LRP6: variants seen among roughly 807,000 people sequenced by gnomAD.
LRP6 encodes LDL receptor related protein 6, also known as low-density lipoprotein receptor-related protein 6.
LRP6 carries 43 observed loss-of-function variants against 184.1 expected under a neutral mutation model. The ratio of observed to expected loss-of-function variants is 0.23; its 90% CI spans 0.18 to 0.30. The LOEUF is 0.30. Among genes scored for constraint, LRP6 ranks in the 10% least tolerant of loss-of-function variants. The pLI is 1.00. For synonymous variants in LRP6, 719 were observed against 684.9 expected (o/e 1.05, Z -0.78); for missense variants, 1,571 against 2,005.3 (o/e 0.78, Z 4.14).
intron 12 of LRP6, among the ~76,000 whole-genome samples, chr12:12,151,474 T>C (rs571263878): frequency 6.9e-6 from 1 of 145,358 alleles, no homozygotes; most frequent in South Asian, 2.2e-4. Context: ...AAGACCCATC[T>C]AAGGAAAAAA....
chr12:12,209,856 T>C (rs1423142633), intron 2 of LRP6, among the ~76,000 whole-genome samples: 1 of 152,102 alleles, frequency 6.6e-6, no homozygotes, highest in Non-Finnish European at 1.5e-5. Flanking sequence ...GTGGCAAGTA[T>C]ATTGAGGAAG....
chr12:12,249,895 G>A (rs1003466136), intron 1 of LRP6, among the ~76,000 whole-genome samples: 11 of 152,048 alleles, frequency 7.2e-5, no homozygotes, highest in African/African-American at 2.7e-4. Context: ...TCCCTCACCA[G>A]TCAATGGTAC....
chr12:12,154,251 G>A (rs1406225301), intron 12 of LRP6, among the ~76,000 whole-genome samples: 1 of 62,528 alleles, frequency 1.6e-5, no homozygotes, highest in Admixed American at 2.1e-4. Context: ...CCTTTTGCTT[G>A]ATAGGCCTTC....
intron 7 of LRP6, among the ~76,000 whole-genome samples, chr12:12,176,991 G>A (rs1229212508): frequency 6.6e-6 from 1 of 151,738 alleles, no homozygotes; most frequent in Non-Finnish European, 1.5e-5. Flanking sequence ...AGGATTACAG[G>A]TGCCCGCCAC....
At position 12,121,114 on chromosome 12, in the gene LRP6, G is replaced by A. The variant is rs1265601627; in HGVS notation, c.*12C>T. 9 of 1,583,890 alleles carry A rather than the reference G, an allele frequency of 5.7e-6. No individual in the cohort carries two copies. Among genetic ancestry groups the A allele is most frequent in the Admixed American group, 1.8e-5 (1 of 56,752 alleles). On this transcript the variant is annotated 3_prime_UTR_variant, in exon 23 of 23. Coordinates refer to ENST00000261349, the MANE Select transcript of LRP6 (RefSeq NM_002336.3). ...TTTACGTTGGAGGCAGTCAGAGGAG[G>A]AGGGCCCCTCCTCAGGAGGAGTCTG...
chr12:12,237,105 T>C (rs1864947688), intron 2 of LRP6, among the ~76,000 whole-genome samples: 2 of 152,088 alleles, frequency 1.3e-5, no homozygotes, highest in Non-Finnish European at 1.5e-5. Flanking sequence ...GATGTTCCTA[T>C]CACCCAGGAA....
intron 12 of LRP6, among the ~76,000 whole-genome samples, chr12:12,154,023 T>C (rs549997963): frequency 6.6e-6 from 1 of 152,306 alleles, no homozygotes; most frequent in South Asian, 2.1e-4. Context: ...GCCATACACC[T>C]GTAGGGCTAA....
intron 15 of LRP6, among the ~76,000 whole-genome samples, chr12:12,145,327 T>TA (rs144877940): frequency 0.075 from 11,328 of 151,550 alleles, 501 homozygotes; most frequent in Admixed American, 0.11. Flanking sequence ...CTGAAGACAT[T>TA]AAAAAAAATG....
intron 3 of LRP6, among the ~76,000 whole-genome samples, chr12:12,199,135 A>G (rs1057068491): frequency 1.3e-5 from 2 of 152,194 alleles, no homozygotes; most frequent in African/African-American, 4.8e-5. Context: ...ACCATTTAAA[A>G]AAAAAAAAGG....
intron 4 of LRP6, 74 bp from the exon 5 acceptor site, chr12:12,184,185 CA>C: frequency 2.1e-6 from 3 of 1,418,752 alleles, no homozygotes; most frequent in Non-Finnish European, 3.0e-6. Context: ...ATAACATGAA[CA>C]ACTGTGATAA....
intron 1 of LRP6, among the ~76,000 whole-genome samples, chr12:12,245,010 C>T (rs978247853): frequency 2.0e-5 from 3 of 152,188 alleles, no homozygotes; most frequent in Admixed American, 6.5e-5. Context: ...CTTGGGAAAA[C>T]AGTTTGGCAG....
chr12:12,130,797 T>G lies in LRP6; in HGVS notation c.4067A>C (p.Asp1356Ala), dbSNP rs376168250. Residue 1356 changes from aspartate to alanine, a missense_variant, in exon 19 of 23, where the codon GAT (aspartate) becomes GCT (alanine). Transcript: ENST00000261349. ...GTCCTACTTACAACAATCCAGTTCATCTGACTTGTCACTGCAATCCACATT... is the reference window on the plus strand; with the variant it reads ...GTCCTACTTACAACAATCCAGTTCAGCTGACTTGTCACTGCAATCCACATT... ...DHNVDCSDKS[D>A]ELDCYPTEEP... The G allele has an allele frequency of 1.9e-6, 3 of 1,608,310 alleles. No individual in the cohort carries two copies. The highest frequency in any genetic ancestry group is 2.6e-6 in the Non-Finnish European group (3 of 1,174,724).
intron 3 of LRP6, among the ~76,000 whole-genome samples, chr12:12,197,053 C>T (rs1863780919): frequency 6.6e-6 from 1 of 152,174 alleles, no homozygotes. Flanking sequence ...TTGCTTCTTT[C>T]TTGTATTTAC....
chr12:12,266,564 T>G, intron 1 of LRP6, 117 bp downstream of exon 1: 1 of 698,452 alleles, frequency 1.4e-6, no homozygotes, highest in Non-Finnish European at 2.3e-6. Flanking sequence ...CGACCAGGCC[T>G]CTCCCCGCTC....
At chr12:12,200,351 G>A (rs566803587) in intron 3 of LRP6, among the ~76,000 whole-genome samples, 1 of 152,256 alleles carries the variant, frequency 6.6e-6, no homozygotes, top group South Asian at 2.1e-4. Flanking sequence ...CATGGTTTCA[G>A]CTCTTCAGGA....
intron 17 of LRP6, among the ~76,000 whole-genome samples, chr12:12,132,447 C>T (rs1303310032): frequency 6.6e-6 from 1 of 152,106 alleles, no homozygotes; most frequent in African/African-American, 2.4e-5. Context: ...GTCCATGAAC[C>T]CTTAGGCGTT....
chr12:12,126,092 G>A (rs1042163968), intron 20 of LRP6, among the ~76,000 whole-genome samples: 2 of 152,142 alleles, frequency 1.3e-5, no homozygotes, highest in African/African-American at 4.8e-5. Context: ...AAAGGAAGGC[G>A]TCTTTTAACT....
chr12:12,121,433 G>A lies in LRP6; in HGVS notation c.4548-13C>T, dbSNP rs778848933. ...ATATGGCCTGTAGCTGGTATAGGGA[G>A]AAAATAAAGAGAAGCAGTTAGTTTT... On this transcript the variant is annotated splice_polypyrimidine_tract_variant and intron_variant, in intron 22 of 22. Transcript: ENST00000261349. 3 of 1,612,816 alleles carry A rather than the reference G, an allele frequency of 1.9e-6. No individual in the cohort carries two copies. The highest frequency in any genetic ancestry group is 2.5e-6 in the Non-Finnish European group (3 of 1,179,022).
intron 2 of LRP6, among the ~76,000 whole-genome samples, chr12:12,206,146 T>C (rs897372159): frequency 6.6e-6 from 1 of 152,218 alleles, no homozygotes; most frequent in African/African-American, 2.4e-5. Context: ...TGTAACACAC[T>C]ATGTTCACAC....
Sources: gnomAD v4.1 joint callset for allele counts (sites outside exome capture counted in the v4.1 genomes callset) on GRCh38, gnomAD v4.1.1 for gene constraint, MANE v1.5 for transcripts, NCBI Gene and HGNC (gene_info 2026-07-23, HGNC 2026-07-21) for gene names.